VWDE: variants seen among roughly 807,000 people sequenced by gnomAD.
VWDE encodes the protein von Willebrand factor D and EGF domain-containing protein.
VWDE carries 207 observed loss-of-function variants against 178.4 expected under a neutral mutation model. The observed-to-expected ratio is 1.16, with a 90% CI of 1.04 to 1.30. VWDE has a LOEUF of 1.30. Ranked by LOEUF, VWDE falls within the 50% of genes most tolerant of loss-of-function variation. The pLI is 0.00. For missense variants in VWDE, 2,287 were observed against 1,901.3 expected, an observed-to-expected ratio of 1.20 and a Z score of -3.77; for synonymous variants, 738 against 651.4, an observed-to-expected ratio of 1.13 and a Z score of -2.02.
intron 21 of VWDE, 110 bp downstream of exon 21, chr7:12,344,085 G>A (rs1006679125): frequency 2.7e-6 from 2 of 745,258 alleles, no homozygotes; most frequent in African/African-American, 1.8e-5. Flanking sequence ...GCTTTGATAA[G>A]AATATTTTAA....
intron 1 of VWDE, among the ~76,000 whole-genome samples, chr7:12,394,428 C>G (rs1053339431): frequency 6.6e-6 from 1 of 152,022 alleles, no homozygotes; most frequent in African/African-American, 2.4e-5. Context: ...AAGCCCATGG[C>G]GAAAGGGAGA....
chr7:12,374,928 A>G (rs936454166), intron 8 of VWDE, 82 bp downstream of exon 8: 12 of 1,370,638 alleles, frequency 8.8e-6, no homozygotes, highest in Non-Finnish European at 1.2e-5. Flanking sequence ...TTTTTTACAT[A>G]AAAAGTTTAT....
intron 3 of VWDE, among the ~76,000 whole-genome samples, chr7:12,388,520 GCTT>G (rs1784215868): frequency 6.6e-6 from 1 of 152,068 alleles, no homozygotes. Flanking sequence ...CTTTAAAGAC[GCTT>G]CGTTTCCTTG....
chr7:12,382,723 A>G (rs1783915514), intron 4 of VWDE, among the ~76,000 whole-genome samples: 1 of 151,896 alleles, frequency 6.6e-6, no homozygotes, highest in South Asian at 2.1e-4. Context: ...CTAACAAAAT[A>G]TGATAAGGCT....
At chr7:12,403,058 T>A (rs1784982642) in intron 1 of VWDE, among the ~76,000 whole-genome samples, 1 of 152,216 alleles carries the variant, frequency 6.6e-6, no homozygotes, top group South Asian at 2.1e-4. Flanking sequence ...AAACTAAATG[T>A]TCTTTGTCAT....
At chr7:12,385,804 A>C (rs1033353264) in intron 3 of VWDE, among the ~76,000 whole-genome samples, 8 of 39,638 alleles carry the variant, frequency 2.0e-4, no homozygotes, top group Non-Finnish European at 3.1e-4. Context: ...CATTAAGAGT[A>C]AAAAAATAAC....
chr7:12,369,395 G>A, intron 12 of VWDE, 150 bp downstream of exon 12: 1 of 1,046,484 alleles, frequency 9.6e-7, no homozygotes, highest in South Asian at 1.9e-5. Context: ...CTGTTGGAAA[G>A]TTAGTAATGT....
intron 19 of VWDE, among the ~76,000 whole-genome samples, chr7:12,344,686 C>T (rs866018656): frequency 4.6e-5 from 7 of 152,210 alleles, no homozygotes; most frequent in Middle Eastern, 3.4e-3. Flanking sequence ...AACAGTAACA[C>T]AACAGTAACA....
Position 12,337,185 on chromosome 7 carries a change from A to C in VWDE, c.4454T>G (p.Phe1485Cys), listed in dbSNP as rs2192828. The C allele has an allele frequency of 0.6, 927,525 of 1,551,156 alleles. 281,680 individuals are homozygous for C. The highest frequency in any genetic ancestry group is 0.9 in the African/African-American group (65,619 of 73,120). The part of the protein sequence containing the change: ...VCREGYTGRR[F>C]QKSICDPTCM... ...ATTTAGTGATGTCTTACTTTTTTGG[A>C]ATCTCCTACCAGTGTATCCTTCACG... The change falls in exon 25 of 29, where the codon TTC becomes TGC. Residue 1485 changes from phenylalanine (F) to cysteine (C), a missense_variant. Coordinates refer to ENST00000275358, the MANE Select transcript of VWDE (RefSeq NM_001135924.3).
intron 19 of VWDE, among the ~76,000 whole-genome samples, chr7:12,349,150 G>A (rs886831420): frequency 7.2e-5 from 11 of 151,834 alleles, no homozygotes; most frequent in East Asian, 1.9e-4. Context: ...TGGGTGCAGC[G>A]CACCAGCATG....
At position 12,393,739 on chromosome 7, in the gene VWDE, C is replaced by T; in HGVS notation, c.98G>A (p.Ser33Asn). ...GTCAAAACGGACACTTCTATAAGGA[C>T]TCCGAAGAAACTGGTGTCCCCCAGG... ...CSPGGHQFLRSPYRSVRFDSW... is the reference protein window; with the variant it reads ...CSPGGHQFLRNPYRSVRFDSW... Residue 33 changes from serine to asparagine, a missense_variant, in exon 2 of 29, where the codon AGT becomes AAT. Ser to Asn is a conservative substitution (Grantham distance 46, BLOSUM62 1). Transcript: ENST00000275358. 5 of 1,550,630 alleles carry T rather than the reference C, an allele frequency of 3.2e-6. No homozygotes were observed. Among genetic ancestry groups the T allele is most frequent in the South Asian group, 2.4e-5 (2 of 83,924 alleles).
chr7:12,380,472 G>A lies in VWDE; in HGVS notation c.789+14C>T. On this transcript the variant is annotated intron_variant, in intron 5 of 28. Transcript: ENST00000275358. ...ACATTCATGAAAATAAAATGCAACT[G>A]TTTTTTAACATACCCTGTCTCCAAG... is the stretch of plus-strand genomic sequence containing the variant. The A allele has an allele frequency of 6.5e-7, 1 of 1,544,644 alleles. No individual in the cohort carries two copies. The highest frequency in any genetic ancestry group is 1.4e-5 in the African/African-American group (1 of 72,568).
intron 1 of VWDE, among the ~76,000 whole-genome samples, chr7:12,394,009 T>C (rs1336058489): frequency 2.6e-5 from 4 of 152,204 alleles, no homozygotes; most frequent in Non-Finnish European, 5.9e-5. Context: ...AATGTACTTT[T>C]GAAACACTTA....
intron 28 of VWDE, among the ~76,000 whole-genome samples, chr7:12,331,880 A>G (rs3815531): frequency 0.67 from 101,729 of 151,926 alleles, 35,551 homozygotes; most frequent in African/African-American, 0.89. Flanking sequence ...TTCTTCCTTT[A>G]CTTATTTTCC....
At chr7:12,359,305 C>G (rs573644007) in intron 16 of VWDE, among the ~76,000 whole-genome samples, 10 of 152,136 alleles carry the variant, frequency 6.6e-5, no homozygotes, top group Non-Finnish European at 1.3e-4. Flanking sequence ...TTAATAACTT[C>G]AGAAAACTGA....
chr7:12,399,948 G>A (rs535369508), intron 1 of VWDE, among the ~76,000 whole-genome samples: 1 of 151,950 alleles, frequency 6.6e-6, no homozygotes, highest in Non-Finnish European at 1.5e-5. Flanking sequence ...ACAAATATGT[G>A]GAAATTAAAC....
intron 6 of VWDE, among the ~76,000 whole-genome samples, 164 bp downstream of exon 6, chr7:12,379,313 C>T (rs779950872): frequency 4.6e-5 from 7 of 152,256 alleles, no homozygotes; most frequent in East Asian, 1.9e-4. Context: ...AACTTTGTTG[C>T]GCATTAGAAT....
chr7:12,340,001 A>G (rs1197206998), intron 24 of VWDE, among the ~76,000 whole-genome samples: 3 of 152,184 alleles, frequency 2.0e-5, no homozygotes, highest in African/African-American at 7.2e-5. Flanking sequence ...TTTGCTGTGT[A>G]GGCAACAAAA....
At chr7:12,331,960 G>A (rs1333373231) in intron 28 of VWDE, among the ~76,000 whole-genome samples, 2 of 152,038 alleles carry the variant, frequency 1.3e-5, no homozygotes, top group Admixed American at 6.6e-5. Context: ...CAATCAGTAA[G>A]CTCCATTTCT....
Sources: allele counts gnomAD v4.1 joint callset (sites outside exome capture counted in the v4.1 genomes callset), GRCh38; gene constraint gnomAD v4.1.1; transcripts MANE v1.5; gene names NCBI Gene and HGNC (gene_info 2026-07-23, HGNC 2026-07-21).